Variants in ASB3 observed in about 807,000 individuals in gnomAD.
ASB3 encodes the protein ankyrin repeat and SOCS box protein 3.
ASB3 carries 41 observed loss-of-function variants against 54.5 expected under a neutral mutation model. The observed-to-expected ratio is 0.75, with a 90% CI of 0.59 to 0.98. The LOEUF is 0.98. Ranked by LOEUF, ASB3 falls within the 50% of genes least tolerant of loss-of-function variation. The pLI, the probability that ASB3 is intolerant of heterozygous loss-of-function variation, is 0.00. For synonymous variants in ASB3, 266 were observed against 221.2 expected (o/e 1.20, Z -1.80); for missense variants, 733 against 620.0 (o/e 1.18, Z -1.94).
chr2:53,773,500 G>A (rs550665703), intron 1 of ASB3, among the ~76,000 whole-genome samples: 99 of 151,954 alleles, frequency 6.5e-4, no homozygotes, highest in South Asian at 2.9e-3. Context: ...GCATGATCTC[G>A]GCTCACTGCC....
intron 3 of ASB3, among the ~76,000 whole-genome samples, chr2:53,731,623 A>G (rs968746022): frequency 1.3e-5 from 2 of 152,160 alleles, no homozygotes; most frequent in African/African-American, 4.8e-5. Context: ...GGTACCACAT[A>G]AATATATACA....
intron 1 of ASB3, chr2:53,774,350 T>A (rs531154748): frequency 6.2e-7 from 1 of 1,613,330 alleles, no homozygotes; most frequent in East Asian, 2.2e-5. Context: ...CTGGAAGACA[T>A]TGCTGAACAA....
chr2:53,762,957 T>TAA (rs1486571797), intron 2 of ASB3, among the ~76,000 whole-genome samples: 2 of 152,236 alleles, frequency 1.3e-5, no homozygotes, highest in Non-Finnish European at 2.9e-5. Context: ...AAAACTCTTC[T>TAA]AATCATTTTA....
intron 1 of ASB3, among the ~76,000 whole-genome samples, chr2:53,766,699 T>C (rs987498821): frequency 6.6e-6 from 1 of 152,224 alleles, no homozygotes; most frequent in African/African-American, 2.4e-5. Context: ...CTGAGTTTTC[T>C]GTGTATTCAA....
Position 53,670,453 on chromosome 2 carries a change from CGAT to C in ASB3, c.*47_*49del, listed in dbSNP as rs763696417. 5.1e-6 allele frequency: 8 copies of C among 1,573,598 alleles called. No homozygotes were observed. Among genetic ancestry groups the C allele is most frequent in the East Asian group, 4.5e-5 (2 of 44,180 alleles). On this transcript the variant is annotated 3_prime_UTR_variant, in exon 10 of 10. Transcript: ENST00000263634. ...CTTGTACTCTGTGGCTCTTTTGTCT[CGAT>C]GATTTTTCAGAGAAAAAAATTAGCT...
At chr2:53,680,604 T>C (rs1477788388) in intron 9 of ASB3, among the ~76,000 whole-genome samples, 1 of 152,202 alleles carries the variant, frequency 6.6e-6, no homozygotes, top group Non-Finnish European at 1.5e-5. Context: ...TGTGGGCACA[T>C]AGTAGGTGTA....
intron 9 of ASB3, among the ~76,000 whole-genome samples, chr2:53,687,742 G>C (rs1301184569): frequency 1.3e-5 from 2 of 152,188 alleles, no homozygotes; most frequent in Non-Finnish European, 2.9e-5. Context: ...TAAGGAGCAA[G>C]TGGTGAGTTA....
intron 3 of ASB3, among the ~76,000 whole-genome samples, chr2:53,733,535 G>A (rs1183605812): frequency 1.3e-5 from 2 of 151,854 alleles, no homozygotes; most frequent in African/African-American, 4.8e-5. Flanking sequence ...TCTGTCTCCT[G>A]GGTTCAAGCG....
rs1265907443 is a variant in ASB3 at position 53,753,697 on chromosome 2, C to T, written c.197-2756G>A. On this transcript the variant is annotated intron_variant, in intron 2 of 9. Coordinates refer to ENST00000263634, the MANE Select transcript of ASB3 (RefSeq NM_016115.5). The stretch of plus-strand genomic sequence containing the variant: ...TGTTGCCCAGGATGGAGTGCAGTGG[C>T]GTGATCTCAGCTCACTGCAACCTCC... 3.3e-5 allele frequency among the ~76,000 whole-genome samples: 5 copies of T among 150,768 alleles called. No homozygotes were observed. In the East Asian group the frequency reaches 5.9e-4, roughly 18 times the overall value.
At chr2:53,722,772 A>G (rs1450749326) in intron 5 of ASB3, among the ~76,000 whole-genome samples, 1 of 152,208 alleles carries the variant, frequency 6.6e-6, no homozygotes, top group East Asian at 1.9e-4. Flanking sequence ...CTCCTAGAGA[A>G]ATGGAAGAAG....
intron 3 of ASB3, among the ~76,000 whole-genome samples, chr2:53,732,492 G>C (rs1464630421): frequency 6.6e-6 from 1 of 152,188 alleles, no homozygotes; most frequent in African/African-American, 2.4e-5. Context: ...GTTGTCAACA[G>C]TGATATATGA....
At chr2:53,774,457 C>A in intron 1 of ASB3, 1 of 1,595,002 alleles carries the variant, frequency 6.3e-7, no homozygotes, top group Non-Finnish European at 8.5e-7. Flanking sequence ...AGCAGATGAG[C>A]ATCTTTTCGC....
At chr2:53,712,726 A>G (rs1394622233) in intron 7 of ASB3, among the ~76,000 whole-genome samples, 1 of 151,944 alleles carries the variant, frequency 6.6e-6, no homozygotes, top group African/African-American at 2.4e-5. Flanking sequence ...GAAGGCCAAA[A>G]AAGACCATCA....
intron 1 of ASB3, chr2:53,774,333 T>TG (rs1674176998): frequency 6.2e-7 from 1 of 1,613,524 alleles, no homozygotes; most frequent in African/African-American, 1.3e-5. Context: ...ATCTTGGTCC[T>TG]GCACCTCTGG....
At chr2:53,746,188 A>G (rs564754408) in intron 3 of ASB3, among the ~76,000 whole-genome samples, 1 of 152,078 alleles carries the variant, frequency 6.6e-6, no homozygotes, top group South Asian at 2.1e-4. Context: ...CCAGCTACTC[A>G]AGAGGCTGAG....
intron 3 of ASB3, among the ~76,000 whole-genome samples, chr2:53,739,659 C>G (rs779488051): frequency 6.6e-6 from 1 of 151,964 alleles, no homozygotes; most frequent in Non-Finnish European, 1.5e-5. Context: ...AGAAAATATA[C>G]TGTTTCATTT....
chr2:53,715,547 T>G (rs1572895295), intron 6 of ASB3, among the ~76,000 whole-genome samples: 1 of 152,308 alleles, frequency 6.6e-6, no homozygotes, highest in South Asian at 2.1e-4. Flanking sequence ...TTGGTACCAT[T>G]TAAAGTTCAG....
At chr2:53,785,179 C>A (rs12996485) in intron 1 of ASB3, among the ~76,000 whole-genome samples, 1 of 152,362 alleles carries the variant, frequency 6.6e-6, no homozygotes, top group Non-Finnish European at 1.5e-5. Context: ...GACTTACGTA[C>A]TAAAAGCAAC....
chr2:53,683,274 T>G (rs560282895), intron 9 of ASB3, among the ~76,000 whole-genome samples: 22 of 152,228 alleles, frequency 1.4e-4, no homozygotes, highest in Non-Finnish European at 2.9e-4. Flanking sequence ...CACTGATTGA[T>G]CTGCATATGT....
Sources: allele counts gnomAD v4.1 joint callset (sites outside exome capture counted in the v4.1 genomes callset), GRCh38; gene constraint gnomAD v4.1.1; transcripts MANE v1.5; gene names NCBI Gene and HGNC (gene_info 2026-07-23, HGNC 2026-07-21).